Variants in ARL10 observed in about 807,000 individuals in gnomAD.
The protein encoded by ARL10 is ADP-ribosylation factor-like protein 10.
In ARL10, 23 loss-of-function variants were observed where a neutral mutation model predicts 26.1. The ratio of observed to expected loss-of-function variants is 0.88; its 90% CI spans 0.63 to 1.25. ARL10 has a LOEUF of 1.25. ARL10 is among the 50% of genes most tolerant of loss of function. The probability of loss-of-function intolerance (pLI) is 0.00; values close to 1 mark genes in which losing one functional copy is unlikely to be tolerated. For synonymous variants in ARL10, 138 were observed against 149.1 expected (o/e 0.93, Z 0.54); for missense variants, 300 against 323.6 (o/e 0.93, Z 0.56).
At chr5:176,399,506 C>T (rs1002697213) in intron 1 of ARL10, among the ~76,000 whole-genome samples, 3 of 152,172 alleles carry the variant, frequency 2.0e-5, no homozygotes, top group Non-Finnish European at 4.4e-5. Flanking sequence ...CTTCGGGAGG[C>T]CAAGGCAGGA....
At chr5:176,387,060 C>T in intron 1 of ARL10, 1 of 593,352 alleles carries the variant, frequency 1.7e-6, no homozygotes, top group Non-Finnish European at 3.0e-6. Flanking sequence ...GCCCTGGAGG[C>T]TTTTTCTCTC....
intron 1 of ARL10, among the ~76,000 whole-genome samples, chr5:176,395,612 G>A (rs1201591618): frequency 6.6e-6 from 1 of 152,130 alleles, no homozygotes; most frequent in East Asian, 1.9e-4. Flanking sequence ...CCAACTAACT[G>A]ACGTCGGCAC....
chr5:176,384,017 T>G (rs2113572738), downstream of ARL10: 1 of 1,538,596 alleles, frequency 6.5e-7, no homozygotes, highest in East Asian at 2.4e-5. Flanking sequence ...GGTTCTGGCT[T>G]TTCCGTGAAC....
chr5:176,389,666 T>C, downstream of ARL10: 2 of 616,294 alleles, frequency 3.2e-6, no homozygotes, highest in Non-Finnish European at 5.4e-6. Flanking sequence ...TCAAAAATCC[T>C]AGATGCTGTT....
At position 176,377,407 on chromosome 5, in the gene ARL10, C is replaced by A. The variant is rs1768714834; in HGVS notation, c.*5512C>A. The A allele has an allele frequency of 6.6e-6, 1 of 152,134 alleles. No homozygotes were observed. 9.4% of individuals were successfully genotyped at this position (152,134 alleles called of 1,614,324 possible). A position where few individuals can be genotyped will look rare whatever the true frequency, so the allele number is the denominator to read the frequency against. ...AGTTCCTCTGTCACTGGAGATTTTT[C>A]CAGAGATGCCCCATAAAGGAAACAC... On this transcript the variant is annotated 3_prime_UTR_variant, in exon 4 of 4. Coordinates refer to ENST00000310389, the MANE Select transcript of ARL10 (RefSeq NM_173664.6). This position sits in a 1 kb window ranked among gnomAD's most constrained non-coding sequence, Gnocchi z 4.5.
downstream of ARL10, chr5:176,384,777 A>T (rs903018263): frequency 2.7e-6 from 1 of 364,384 alleles, no homozygotes; most frequent in Non-Finnish European, 4.9e-6. Context: ...CTCAAAAAAA[A>T]GACCAGGAAG....
chr5:176,366,461 G>A lies in ARL10; in HGVS notation c.265G>A (p.Gly89Ser), dbSNP rs750297076. The A allele has an allele frequency of 6.2e-7, 1 of 1,613,880 alleles. No homozygotes were observed. Among genetic ancestry groups the A allele is most frequent in the South Asian group, 1.1e-5 (1 of 91,066 alleles). Residue 89 changes from glycine to serine, a missense_variant, in exon 2 of 4, where the codon GGC (glycine) becomes AGC (serine). Transcript: ENST00000310389. ...GCTGGTGCTGGGGCTGGATGGCGCA[G>A]GCAAGAGCACGTTCCTGCGCGTGTT... ...EVLVLGLDGA[G>S]KSTFLRVLSG... is the part of the protein sequence containing the mutation.
intron 3 of ARL10, among the ~76,000 whole-genome samples, chr5:176,369,946 G>A (rs867718529): frequency 2.3e-5 from 3 of 132,502 alleles, no homozygotes; most frequent in South Asian, 2.5e-4. Context: ...GTGACACAGC[G>A]AGACCCTATC....
rs1431821965 is a variant in ARL10, at chr5:176,381,550, A to G, written c.*9655A>G. 1 of 152,254 alleles carries G rather than the reference A, an allele frequency of 6.6e-6. No individual in the cohort carries two copies. Among genetic ancestry groups the G allele is most frequent in the Non-Finnish European group, 1.5e-5 (1 of 68,040 alleles). 9.4% of individuals were successfully genotyped at this position (152,254 alleles called of 1,614,324 possible). A position where few individuals can be genotyped will look rare whatever the true frequency, so the allele number is the denominator to read the frequency against. ...CTATATTTATAAGCAAAGAAACGGA[A>G]TTGGCATACAGAGATAGCCTGACTG... On this transcript the variant is annotated 3_prime_UTR_variant, in exon 4 of 4. Transcript: ENST00000310389.
chr5:176,367,971 G>A (rs1455609874), intron 2 of ARL10: 4 of 530,512 alleles, frequency 7.5e-6, no homozygotes, highest in Non-Finnish European at 1.5e-5. Flanking sequence ...TTGGCACCTA[G>A]CAAGCACTCA....
At chr5:176,397,506 TTCATGTCCCCATGGCCCCC>T (rs1179751401) in intron 1 of ARL10, 2 of 40,408 alleles carry the variant, frequency 4.9e-5, no homozygotes, top group African/African-American at 2.5e-4. Flanking sequence ...TCCCCACCCC[TTCATGTCCCCATGGCCCCC>T]TCATGTCCCC....
chr5:176,406,437 A>G (rs894519200), downstream of ARL10: 17 of 1,168,276 alleles, frequency 1.5e-5, no homozygotes, highest in Admixed American at 3.0e-4. Context: ...AGGGATGGCC[A>G]AGAGGATGAG....
At chr5:176,386,947 T>G in intron 1 of ARL10, 1 of 1,577,410 alleles carries the variant, frequency 6.3e-7, no homozygotes, top group South Asian at 1.1e-5. Context: ...GAAGGATCTT[T>G]GATGAGGGAA....
chr5:176,385,667 T>C (rs574649295), downstream of ARL10, among the ~76,000 whole-genome samples: 9 of 152,322 alleles, frequency 5.9e-5, no homozygotes, highest in South Asian at 6.2e-4. Context: ...GGCACATACC[T>C]GCCCACAGGA....
intron 1 of ARL10, among the ~76,000 whole-genome samples, chr5:176,394,650 TA>T (rs60599265): frequency 0.47 from 71,379 of 151,564 alleles, 17,025 homozygotes; most frequent in Middle Eastern, 0.57. Flanking sequence ...CCGTCTCTAC[TA>T]AAAAATACAC....
In ARL10 at chr5:176,368,268, CT is replaced by C. The variant is rs1768394931; in HGVS notation, c.386-538del. On this transcript the variant is annotated intron_variant, in intron 2 of 3. Transcript: ENST00000310389. This position sits in a 1 kb window ranked among gnomAD's most constrained non-coding sequence, Gnocchi z 4.1. ...ATGGGGGAAACTGAATGGAGAATGG[CT>C]GTGTATAGGCAGGGCAGGGGGTCCT... Among the ~76,000 whole-genome samples the C allele has an allele frequency of 6.6e-6, 1 of 152,124 alleles. No individual in the cohort carries two copies. The highest frequency in any genetic ancestry group is 1.5e-5 in the Non-Finnish European group (1 of 68,012).
chr5:176,383,416 G>A (rs200991093), downstream of ARL10, among the ~76,000 whole-genome samples: 16 of 152,358 alleles, frequency 1.1e-4, no homozygotes, highest in East Asian at 1.9e-3. Flanking sequence ...TCATGCCACC[G>A]AATCAGGCAA....
In ARL10 at chr5:176,369,325, C is replaced by T. The variant is rs555992664; in HGVS notation, c.561+343C>T. The T allele has an allele frequency of 2.4e-3, 1,819 of 758,378 alleles. 3 individuals carry two copies. Among genetic ancestry groups the T allele is most frequent in the Non-Finnish European group, 3.1e-3 (1,660 of 538,720 alleles). The allele number at this position is 758,378 out of a possible 1,614,324, so 47.0% of individuals were successfully genotyped here. A position where few individuals can be genotyped will look rare whatever the true frequency, so the allele number is the denominator to read the frequency against. On this transcript the variant is annotated intron_variant, in intron 3 of 3. Coordinates refer to ENST00000310389, the MANE Select transcript of ARL10 (RefSeq NM_173664.6). ...TCGGCTCACTGCAACCTCCACCTCC[C>T]GGGTTCAAGCAATTCTTGTGCCTCA... is the stretch of plus-strand genomic sequence containing the variant.
In ARL10 at chr5:176,380,061, T is replaced by C. The variant is rs1281962999; in HGVS notation, c.*8166T>C. 1 of 152,206 alleles carries C rather than the reference T, an allele frequency of 6.6e-6. No homozygotes were observed. Among genetic ancestry groups the C allele is most frequent in the African/African-American group, 2.4e-5 (1 of 41,446 alleles). The allele number at this position is 152,206 out of a possible 1,614,324, so 9.4% of individuals were successfully genotyped here. A position where few individuals can be genotyped will look rare whatever the true frequency, so the allele number is the denominator to read the frequency against. Reference sequence around the variant, plus strand: ...AAAGTGGTTACAGCAGGCAGGCTGGTTGACTAGAGAGTCTCACTTTGTAAG... The same window carrying C: ...AAAGTGGTTACAGCAGGCAGGCTGGCTGACTAGAGAGTCTCACTTTGTAAG... On this transcript the variant is annotated 3_prime_UTR_variant, in exon 4 of 4. Coordinates refer to ENST00000310389, the MANE Select transcript of ARL10 (RefSeq NM_173664.6).
Sources: allele counts gnomAD v4.1 joint callset (sites outside exome capture counted in the v4.1 genomes callset), GRCh38; gene constraint gnomAD v4.1.1; non-coding constraint Gnocchi (gnomAD v3.1); transcripts MANE v1.5; gene names NCBI Gene and HGNC (gene_info 2026-07-23, HGNC 2026-07-21).